RPF1: variants seen among roughly 807,000 people sequenced by gnomAD.
The protein encoded by RPF1 is ribosome production factor 1.
RPF1 carries 34 observed loss-of-function variants against 41.9 expected under a neutral mutation model. That is an observed-to-expected ratio of 0.81 (90% CI 0.62 to 1.08). RPF1 has a LOEUF of 1.08. RPF1 is among the 50% of genes least tolerant of loss of function. The pLI is 0.00. For synonymous variants in RPF1, 140 were observed against 148.9 expected (o/e 0.94, Z 0.43); for missense variants, 425 against 435.2 (o/e 0.98, Z 0.21).
intron 3 of RPF1, among the ~76,000 whole-genome samples, chr1:84,485,980 T>G (rs1404992310): frequency 6.6e-6 from 1 of 152,180 alleles, no homozygotes; most frequent in African/African-American, 2.4e-5. Flanking sequence ...AAAGTCAGGG[T>G]AGGCTTTATT....
Position 84,490,352 on chromosome 1 carries a change from G to GT in RPF1, c.498dup (p.Ile167TyrfsTer33). ...ACGACTCTGTGAACAGCTCTCCACA[G>GT]TTATACCAAACTCACATGTTTATTA... On this transcript the variant is annotated frameshift_variant, in exon 5 of 9. Transcript: ENST00000370654. LOFTEE classifies it high-confidence loss of function. 6.2e-7 allele frequency: 1 copy of GT among 1,608,588 alleles called. No individual in the cohort carries two copies. The highest frequency in any genetic ancestry group is 8.5e-7 in the Non-Finnish European group (1 of 1,178,048).
intron 5 of RPF1, among the ~76,000 whole-genome samples, chr1:84,491,128 C>T (rs377084135): frequency 6.6e-6 from 1 of 152,090 alleles, no homozygotes; most frequent in African/African-American, 2.4e-5. Flanking sequence ...AGTCTCAGAC[C>T]TGAGATGAAT....
At position 84,495,924 on chromosome 1, in the gene RPF1, C is replaced by T; in HGVS notation, c.742C>T (p.Leu248=). 6.2e-7 allele frequency: 1 copy of T among 1,610,560 alleles called. No homozygotes were observed. Among genetic ancestry groups the T allele is most frequent in the Non-Finnish European group, 8.5e-7 (1 of 1,177,388 alleles). Residue 248 remains leucine (L), a synonymous_variant, in exon 7 of 9, where the codon CTG becomes TTG. Coordinates refer to ENST00000370654, the MANE Select transcript of RPF1 (RefSeq NM_025065.7). The part of the protein sequence containing the change: ...DPTEHIPEII[L]NNFTTRLGHS... ...CACAGAACACATACCTGAAATAATTCTGAATAATTTTACAACACGGCTGGG... is the reference window on the plus strand; with the variant it reads ...CACAGAACACATACCTGAAATAATTTTGAATAATTTTACAACACGGCTGGG...
intron 5 of RPF1, among the ~76,000 whole-genome samples, chr1:84,491,443 T>C (rs1370853321): frequency 6.6e-6 from 1 of 152,194 alleles, no homozygotes; most frequent in Admixed American, 6.5e-5. Flanking sequence ...AAAATCTAAC[T>C]TTTATGACTT....
In RPF1 at chr1:84,487,390, T is replaced by C. The variant is rs576951987; in HGVS notation, c.367-2243T>C. ...CCTTGTTTTCTAATGTTGAGCATCA[T>C]TTAATATAAGTTGTTTTCTTTAGAG... On this transcript the variant is annotated intron_variant, in intron 3 of 8. Transcript: ENST00000370654. Among the ~76,000 whole-genome samples, 4 of 152,328 alleles carry C rather than the reference T, an allele frequency of 2.6e-5. No homozygotes were observed. The South Asian group carries it at 8.3e-4, about 32-fold the overall frequency.
intron 5 of RPF1, among the ~76,000 whole-genome samples, chr1:84,493,696 C>G (rs1681879476): frequency 6.6e-6 from 1 of 152,072 alleles, no homozygotes. Context: ...GCTGTGGTAG[C>G]AGAACTGAGA....
At position 84,481,507 on chromosome 1, in the gene RPF1, G is replaced by T. The variant is rs72948425; in HGVS notation, c.285+495G>T. ...AGGACAGATCCTCTTCTGGAGTAGG[G>T]TGATAAGGGTGTGTTAAGCTTTAGA... is the stretch of plus-strand genomic sequence containing the variant. On this transcript the variant is annotated intron_variant, in intron 2 of 8. Coordinates refer to ENST00000370654, the MANE Select transcript of RPF1 (RefSeq NM_025065.7). Among the ~76,000 whole-genome samples, 850 of 152,286 alleles carry T rather than the reference G, an allele frequency of 5.6e-3. 11 individuals carry two copies. The highest frequency in any genetic ancestry group is 0.019 in the African/African-American group (784 of 41,542).
intron 1 of RPF1, among the ~76,000 whole-genome samples, chr1:84,480,234 C>A (rs917879330): frequency 4.6e-5 from 7 of 152,090 alleles, no homozygotes; most frequent in African/African-American, 1.7e-4. Flanking sequence ...TCAATACATA[C>A]AAGGGGCGTT....
At chr1:84,486,769 A>C (rs984804285) in intron 3 of RPF1, among the ~76,000 whole-genome samples, 1 of 152,114 alleles carries the variant, frequency 6.6e-6, no homozygotes, top group African/African-American at 2.4e-5. Flanking sequence ...AGTTACAATG[A>C]AAGTGGTGAG....
chr1:84,484,398 G>C (rs768668076), intron 3 of RPF1, among the ~76,000 whole-genome samples: 10 of 151,270 alleles, frequency 6.6e-5, no homozygotes, highest in Non-Finnish European at 1.2e-4. Flanking sequence ...ATCTTACTCA[G>C]ATGTCACTAG....
In RPF1 at chr1:84,495,988, A is replaced by G. The variant is rs749561577; in HGVS notation, c.806A>G (p.His269Arg). The change falls in exon 7 of 9, where the codon CAT becomes CGT. Residue 269 changes from histidine (H) to arginine (R), a missense_variant. By Grantham distance (29) the His-to-Arg change is conservative. Transcript: ENST00000370654. The stretch of plus-strand genomic sequence containing the variant: ...CGTATGTTTGCATCTCTCTTTCCTC[A>G]TAATCCTCAATTTATCGGAAGGCAG... ...IGRMFASLFP[H>R]NPQFIGRQVA... 13 of 1,611,006 alleles carry G rather than the reference A, an allele frequency of 8.1e-6. No individual in the cohort carries two copies. Among genetic ancestry groups the G allele is most frequent in the African/African-American group, 1.3e-5 (1 of 74,854 alleles).
In RPF1 at chr1:84,479,294, G is replaced by A. The variant is rs929194758; in HGVS notation, c.13G>A (p.Gly5Arg). The A allele has an allele frequency of 1.9e-6, 3 of 1,599,748 alleles. No homozygotes were observed. The highest frequency in any genetic ancestry group is 2.6e-6 in the Non-Finnish European group (3 of 1,173,470). ...AGGAGCCAAGACCATGGCGAAAGCC[G>A]GGGATAAGAGCAGCAGCAGCGGGAA... MAKA[G>R]DKSSSSGKKS... The change falls in exon 1 of 9, where the codon GGG becomes AGG. Residue 5 changes from glycine (G) to arginine (R), a missense_variant. Coordinates refer to ENST00000370654, the MANE Select transcript of RPF1 (RefSeq NM_025065.7).
intron 3 of RPF1, chr1:84,483,287 G>A (rs1372250688): frequency 2.9e-6 from 1 of 341,956 alleles, no homozygotes; most frequent in African/African-American, 2.1e-5. Flanking sequence ...ATTTTGTTGA[G>A]ACAGAGTCTT....
intron 3 of RPF1, among the ~76,000 whole-genome samples, chr1:84,488,258 TTAAA>T (rs1169825769): frequency 1.3e-5 from 2 of 152,126 alleles, no homozygotes; most frequent in Non-Finnish European, 2.9e-5. Context: ...TAGGTCTCCT[TTAAA>T]TAGTGAAATG....
At chr1:84,488,568 T>C (rs893728950) in intron 3 of RPF1, among the ~76,000 whole-genome samples, 1 of 152,118 alleles carries the variant, frequency 6.6e-6, no homozygotes, top group Non-Finnish European at 1.5e-5. Context: ...TTGTGCCTTC[T>C]AGAACTTCTA....
In RPF1 at chr1:84,490,215, A is replaced by G. The variant is rs937174747; in HGVS notation, c.463-104A>G. The G allele has an allele frequency of 2.3e-5, 17 of 736,644 alleles. No individual in the cohort carries two copies. The South Asian group carries it at 3.7e-4, about 16-fold the overall frequency. 45.6% of individuals were successfully genotyped at this position (736,644 alleles called of 1,614,324 possible). ...CATGCTTTCCTCAATGTTGCTTTCT[A>G]TTAATCATAATAATTATTATTTCTT... On this transcript the variant is annotated intron_variant, in intron 4 of 8. Coordinates refer to ENST00000370654, the MANE Select transcript of RPF1 (RefSeq NM_025065.7).
Position 84,489,723 on chromosome 1 carries a change from C to G in RPF1, c.457C>G (p.His153Asp), listed in dbSNP as rs1681799116. The G allele has an allele frequency of 4.5e-6, 7 of 1,549,258 alleles. No individual in the cohort carries two copies. In the East Asian group the frequency reaches 1.6e-4, roughly 35 times the overall value. Residue 153 changes from histidine (H) to aspartate (D), a missense_variant, in exon 4 of 9, where the codon CAT becomes GAT. By Grantham distance (81) the His-to-Asp change is moderately conservative. Transcript: ENST00000370654. ...KILITTSDRP[H>D]GRTVRLCEQL... ...TCTCATCACAACATCAGATAGACCT[C>G]ATGGGGTAAACACATTGATTAATTT...
chr1:84,488,385 T>C (rs1681772096), intron 3 of RPF1, among the ~76,000 whole-genome samples: 1 of 152,166 alleles, frequency 6.6e-6, no homozygotes, highest in South Asian at 2.1e-4. Flanking sequence ...CTTTGAAAAT[T>C]GTTTTGTTAG....
chr1:84,483,458 G>C (rs41293029), intron 3 of RPF1: 9,497 of 154,686 alleles, frequency 0.061, 341 homozygotes, highest in Non-Finnish European at 0.077. Context: ...GTAGAGATGG[G>C]GTTTCACCAC....
Sources: allele counts gnomAD v4.1 joint callset (sites outside exome capture counted in the v4.1 genomes callset), GRCh38; gene constraint gnomAD v4.1.1; transcripts MANE v1.5; gene names NCBI Gene and HGNC (gene_info 2026-07-23, HGNC 2026-07-21).